Variants in POLH observed in about 807,000 individuals in gnomAD.
POLH encodes the protein DNA polymerase eta.
Under a neutral mutation model 73.6 loss-of-function variants are expected in POLH, and 53 were observed. The observed-to-expected ratio is 0.72, with a 90% CI of 0.58 to 0.91. The LOEUF (loss-of-function observed/expected upper bound fraction) is 0.91. Ranked by LOEUF, POLH falls within the 40% of genes least tolerant of loss-of-function variation. POLH has a pLI of 0.00. For missense variants in POLH, 768 were observed against 865.4 expected, an observed-to-expected ratio of 0.89 and a Z score of 1.41; for synonymous variants, 292 against 308.5, an observed-to-expected ratio of 0.95 and a Z score of 0.56.
At chr6:43,581,755 G>C (rs569088311) in intron 1 of POLH, among the ~76,000 whole-genome samples, 7,682 of 148,990 alleles carry the variant, frequency 0.052, 237 homozygotes, top group African/African-American at 0.1. Context: ...TCAGCGCCGC[G>C]ACTGTCCCGG....
chr6:43,582,619 C>G (rs1201436177), intron 2 of POLH, among the ~76,000 whole-genome samples, 163 bp downstream of exon 2: 2 of 152,058 alleles, frequency 1.3e-5, no homozygotes, highest in African/African-American at 4.8e-5. Context: ...TTGACCTGGG[C>G]TCAAGTGATC....
At chr6:43,580,671 C>T (rs1763986389) in intron 1 of POLH, among the ~76,000 whole-genome samples, 2 of 129,872 alleles carry the variant, frequency 1.5e-5, no homozygotes, top group Middle Eastern at 3.8e-3. Context: ...GGGGGGCTGA[C>T]CCCCCCACCT....
At chr6:43,583,694 A>G (rs1764516849) in intron 3 of POLH, among the ~76,000 whole-genome samples, 1 of 152,344 alleles carries the variant, frequency 6.6e-6, no homozygotes. Context: ...GCTAATATGT[A>G]TTAAACATAT....
At chr6:43,598,780 T>C (rs2127796583) in intron 5 of POLH, among the ~76,000 whole-genome samples, 1 of 152,308 alleles carries the variant, frequency 6.6e-6, no homozygotes, top group South Asian at 2.1e-4. Flanking sequence ...ATGCAAATAC[T>C]GCACCATTTT....
At chr6:43,582,517 C>A in intron 2 of POLH, 61 bp downstream of exon 2, 1 of 1,552,416 alleles carries the variant, frequency 6.4e-7, no homozygotes, top group Non-Finnish European at 8.9e-7. Context: ...TGTGGCAGGT[C>A]CTTTGTTGTT....
chr6:43,614,094 G>A lies in POLH; in HGVS notation c.1679G>A (p.Cys560Tyr). ...SSPQQNPWSN[C>Y]KALPNSLPTE... ...CCCCAACAAAACCCATGGTCCAACT[G>A]TAAAGCATTACCAAACTCTTTACCA... Residue 560 changes from cysteine to tyrosine, a missense_variant, in exon 11 of 11, where the codon TGT (cysteine) becomes TAT (tyrosine). By Grantham distance (194) the Cys-to-Tyr change is radical. Coordinates refer to ENST00000372236, the MANE Select transcript of POLH (RefSeq NM_006502.3). 1.2e-6 allele frequency: 2 copies of A among 1,614,206 alleles called. No homozygotes were observed. The highest frequency in any genetic ancestry group is 1.7e-6 in the Non-Finnish European group (2 of 1,180,036).
At position 43,592,135 on chromosome 6, in the gene POLH, C is replaced by T. The variant is rs114454547; in HGVS notation, c.490+4646C>T. 4.9e-3 allele frequency among the ~76,000 whole-genome samples: 747 copies of T among 152,246 alleles called. 5 individuals carry two copies. The highest frequency in any genetic ancestry group is 0.016 in the African/African-American group (680 of 41,520). ...ATCTTATTATATGTAATGTTCAGAA[C>T]AGTGCAATGTCTAGGAAATATTTCA... On this transcript the variant is annotated intron_variant, in intron 4 of 10. Transcript: ENST00000372236.
chr6:43,599,907 C>G (rs1766531102), intron 5 of POLH, among the ~76,000 whole-genome samples: 1 of 151,750 alleles, frequency 6.6e-6, no homozygotes, highest in Non-Finnish European at 1.5e-5. Context: ...ACCTGTAATC[C>G]CAGCACTTTG....
At chr6:43,588,408 CTTTCTTTCTTTCTTT>C (rs1187941472) in intron 4 of POLH, 1 of 150,394 alleles carries the variant, frequency 6.6e-6, no homozygotes, top group African/African-American at 2.4e-5. Context: ...CTTTCCCTTT[CTTTCTTTCTTTCTTT>C]TTTCTTTCTT....
rs1561916018 is a variant in POLH at position 43,614,557 on chromosome 6, G to A, written c.2142G>A (p.Ter714=). 6.2e-7 allele frequency: 1 copy of A among 1,612,372 alleles called. No individual in the cohort carries two copies. Among genetic ancestry groups the A allele is most frequent in the African/African-American group, 1.3e-5 (1 of 74,888 alleles). ...LESFFKPLTH[*] ...CATTTTTTAAGCCATTAACACATTA[G>A]TGCTGCCCTCAGGCTTGCCTGTAGG... Residue 714 remains the stop codon, a stop_retained_variant, in exon 11 of 11, where the codon TAG becomes TAA. Transcript: ENST00000372236.
At chr6:43,605,179 AACAAATAAC>A in intron 8 of POLH, 66 bp from the exon 9 acceptor site, 1 of 860,748 alleles carries the variant, frequency 1.2e-6, no homozygotes, top group East Asian at 2.6e-5. Flanking sequence ...GAAAAAAAAG[AACAAATAAC>A]ACCATCTAGT....
chr6:43,587,533 A>G, intron 4 of POLH, 44 bp downstream of exon 4: 5 of 1,370,622 alleles, frequency 3.6e-6, no homozygotes, highest in Non-Finnish European at 5.2e-6. Flanking sequence ...TGCCTTTGGA[A>G]CCTGCTTTGC....
chr6:43,611,352 A>G (rs887847120), intron 10 of POLH, among the ~76,000 whole-genome samples: 4 of 152,248 alleles, frequency 2.6e-5, no homozygotes, highest in Non-Finnish European at 4.4e-5. Context: ...TTTCTTGATT[A>G]TAAAGGTGAC....
At position 43,597,869 on chromosome 6, in the gene POLH, A is replaced by T; in HGVS notation, c.660+4A>T. 6.2e-7 allele frequency: 1 copy of T among 1,606,990 alleles called. No homozygotes were observed. Among genetic ancestry groups the T allele is most frequent in the Non-Finnish European group, 8.5e-7 (1 of 1,173,484 alleles). On this transcript the variant is annotated splice_donor_region_variant and intron_variant, in intron 5 of 10. Coordinates refer to ENST00000372236, the MANE Select transcript of POLH (RefSeq NM_006502.3). Reference sequence around the variant, plus strand: ...AGCTGGAATTTCACACAATAAGGTGAAGGCTAATAGTAGATTTCAAAGAGA... The same window carrying T: ...AGCTGGAATTTCACACAATAAGGTGTAGGCTAATAGTAGATTTCAAAGAGA...
In POLH at chr6:43,583,142, G is replaced by C. The variant is rs1478721850; in HGVS notation, c.272+1G>C. On this transcript the variant is annotated splice_donor_variant, in intron 3 of 10. Coordinates refer to ENST00000372236, the MANE Select transcript of POLH (RefSeq NM_006502.3). LOFTEE classifies it high-confidence loss of function. ...CCCGTGGGAAAGCTAACCTCACCAAGTAAGAAAAAAACATTATTTAAGGAG... is the reference window on the plus strand; with the variant it reads ...CCCGTGGGAAAGCTAACCTCACCAACTAAGAAAAAAACATTATTTAAGGAG... 2 of 1,613,482 alleles carry C rather than the reference G, an allele frequency of 1.2e-6. No homozygotes were observed. The highest frequency in any genetic ancestry group is 4.5e-5 in the East Asian group (2 of 44,890).
chr6:43,586,116 GTAAATA>G (rs1764797573), intron 3 of POLH, among the ~76,000 whole-genome samples: 1 of 152,050 alleles, frequency 6.6e-6, no homozygotes, highest in African/African-American at 2.4e-5. Context: ...CATTTTTATG[GTAAATA>G]TAAAGTCAAT....
At chr6:43,587,735 A>G (rs1764986378) in intron 4 of POLH, among the ~76,000 whole-genome samples, 1 of 152,230 alleles carries the variant, frequency 6.6e-6, no homozygotes, top group African/African-American at 2.4e-5. Context: ...AGTGTTATCA[A>G]TAGAAGGCAG....
At position 43,616,590 on chromosome 6, in the gene POLH, A is replaced by AG. The variant is rs916590328; in HGVS notation, c.*2033_*2034insG. On this transcript the variant is annotated 3_prime_UTR_variant, in exon 11 of 11. Transcript: ENST00000372236. ...GGTGAGAGTGAGAGACTGTCTCAAA[A>AG]AAAAAAAAAACAAAAGAAAAACTTC... is the stretch of plus-strand genomic sequence containing the variant. Among the ~76,000 whole-genome samples, 7 of 151,730 alleles carry AG rather than the reference A, an allele frequency of 4.6e-5. No homozygotes were observed. The highest frequency in any genetic ancestry group is 1.7e-4 in the African/African-American group (7 of 41,254).
At chr6:43,608,642 C>T (rs1198061936) in intron 9 of POLH, among the ~76,000 whole-genome samples, 2 of 152,174 alleles carry the variant, frequency 1.3e-5, no homozygotes, top group Non-Finnish European at 2.9e-5. Context: ...AATCCTCCTG[C>T]CTTAGCCTCC....
Sources: gnomAD v4.1 joint callset for allele counts (sites outside exome capture counted in the v4.1 genomes callset) on GRCh38, gnomAD v4.1.1 for gene constraint, MANE v1.5 for transcripts, NCBI Gene and HGNC (gene_info 2026-07-23, HGNC 2026-07-21) for gene names.